FER: variants seen among roughly 807,000 people sequenced by gnomAD.
FER encodes FER tyrosine kinase, also known as tyrosine-protein kinase Fer.
Under a neutral mutation model 111.0 loss-of-function variants are expected in FER, and 63 were observed. That is an observed-to-expected ratio of 0.57 (90% CI 0.46 to 0.70). The LOEUF is 0.70. FER is among the 30% of genes least tolerant of loss of function. FER has a pLI of 0.00. For missense variants in FER, 914 were observed against 954.0 expected, an observed-to-expected ratio of 0.96 and a Z score of 0.55; for synonymous variants, 327 against 313.9, an observed-to-expected ratio of 1.04 and a Z score of -0.44.
intron 10 of FER, among the ~76,000 whole-genome samples, chr5:108,927,252 C>CTTTTTTTGTTTTTTTTT: frequency 1.0e-5 from 1 of 95,254 alleles, no homozygotes; most frequent in Non-Finnish European, 1.9e-5. Flanking sequence ...AGAAGTGGCT[C>CTTTTTTTGTTTTTTTTT]TTTTTTTTTT....
At chr5:108,766,010 A>G (rs901324066) in intron 1 of FER, among the ~76,000 whole-genome samples, 13 of 151,926 alleles carry the variant, frequency 8.6e-5, no homozygotes, top group Non-Finnish European at 5.9e-5. Flanking sequence ...GTTCACTGCA[A>G]CCTCAAATTC....
intron 5 of FER, among the ~76,000 whole-genome samples, chr5:108,852,507 A>G (rs1762631955): frequency 6.6e-6 from 1 of 152,152 alleles, no homozygotes; most frequent in African/African-American, 2.4e-5. Flanking sequence ...CGATATTTAA[A>G]TATCAAATTT....
intron 16 of FER, among the ~76,000 whole-genome samples, chr5:109,051,098 T>C (rs1310106108): frequency 2.0e-4 from 31 of 152,158 alleles, no homozygotes; most frequent in Admixed American, 4.6e-4. Context: ...TAAATACCAA[T>C]ATGCACCTCT....
intron 17 of FER, among the ~76,000 whole-genome samples, chr5:109,109,873 C>A (rs1749390583): frequency 6.6e-6 from 1 of 152,124 alleles, no homozygotes; most frequent in South Asian, 2.1e-4. Flanking sequence ...TGCTCATTTT[C>A]TTGCTAATTA....
chr5:108,894,196 C>T (rs1478359542), intron 9 of FER, among the ~76,000 whole-genome samples: 1 of 152,004 alleles, frequency 6.6e-6, no homozygotes, highest in Non-Finnish European at 1.5e-5. Context: ...TCTATTATTC[C>T]TCTCATCCAC....
intron 5 of FER, among the ~76,000 whole-genome samples, chr5:108,855,594 G>GGAA (rs766557178): frequency 4.9e-5 from 5 of 102,994 alleles, no homozygotes; most frequent in African/African-American, 1.7e-4. Context: ...GCACTCCAGC[G>GGAA]AAAAAAAAAA....
At chr5:108,848,173 T>A (rs903616314) in intron 5 of FER, among the ~76,000 whole-genome samples, 10 of 152,308 alleles carry the variant, frequency 6.6e-5, no homozygotes, top group Non-Finnish European at 1.2e-4. Flanking sequence ...AGCCACCACA[T>A]CTGACCTATC....
At chr5:109,005,775 A>G (rs1222094416) in intron 13 of FER, among the ~76,000 whole-genome samples, 2 of 152,204 alleles carry the variant, frequency 1.3e-5, no homozygotes, top group Non-Finnish European at 2.9e-5. Context: ...AGCAAGGACC[A>G]TGTGTTCTGC....
At chr5:108,992,670 T>C (rs1426544380) in intron 13 of FER, among the ~76,000 whole-genome samples, 2 of 143,022 alleles carry the variant, frequency 1.4e-5, no homozygotes, top group African/African-American at 2.5e-5. Flanking sequence ...GCGGCTGGCC[T>C]GGCGGGGGCT....
chr5:109,136,615 T>A (rs1449211949), intron 17 of FER, among the ~76,000 whole-genome samples: 1 of 152,202 alleles, frequency 6.6e-6, no homozygotes, highest in Non-Finnish European at 1.5e-5. Context: ...TTTCATTTGA[T>A]CTTCACAGTA....
intron 6 of FER, among the ~76,000 whole-genome samples, chr5:108,871,105 T>C (rs539912878): frequency 8.5e-5 from 13 of 152,224 alleles, no homozygotes; most frequent in East Asian, 3.9e-4. Flanking sequence ...TTTGGACATA[T>C]CAAATACATT....
chr5:108,939,824 G>T (rs1008140824), intron 10 of FER, among the ~76,000 whole-genome samples: 1 of 151,904 alleles, frequency 6.6e-6, no homozygotes, highest in Non-Finnish European at 1.5e-5. Context: ...AACTCCAAAT[G>T]TTCCCAGTTA....
At chr5:108,992,724 C>T (rs1442903354) in intron 13 of FER, among the ~76,000 whole-genome samples, 4 of 150,222 alleles carry the variant, frequency 2.7e-5, no homozygotes, top group Admixed American at 1.3e-4. Context: ...TGGGCGGAGA[C>T]GCTCCTCACT....
intron 17 of FER, among the ~76,000 whole-genome samples, chr5:109,167,138 T>C (rs1756637888): frequency 6.6e-6 from 1 of 152,198 alleles, no homozygotes; most frequent in African/African-American, 2.4e-5. Flanking sequence ...TTTATCTATA[T>C]CTGCAGTATA....
Position 108,867,783 on chromosome 5 carries a change from G to A in FER, c.498G>A (p.Lys166=). 6.2e-7 allele frequency: 1 copy of A among 1,606,876 alleles called. No individual in the cohort carries two copies. The change falls in exon 6 of 20, where the codon AAG becomes AAA. Residue 166 remains lysine, a synonymous_variant. Transcript: ENST00000281092. ...TTTTTTCAGGGAAGGAAACTGAAAA[G>A]GCCAAGGAACGATACGACAAAGCCA... ...EALAKGKETE[K]AKERYDKATM...
At chr5:108,990,479 C>T (rs906633143) in intron 13 of FER, among the ~76,000 whole-genome samples, 1 of 151,494 alleles carries the variant, frequency 6.6e-6, no homozygotes, top group Non-Finnish European at 1.5e-5. Context: ...TACATTTCAT[C>T]CTAACTGCCC....
intron 1 of FER, among the ~76,000 whole-genome samples, chr5:108,750,816 A>G (rs920568656): frequency 8.5e-5 from 13 of 152,230 alleles, no homozygotes; most frequent in African/African-American, 2.9e-4. Flanking sequence ...CACCACCTAT[A>G]TATTTAGCAA....
rs192714585 is a variant in FER, at chr5:108,813,135, G to C, written c.207+14746G>C. On this transcript the variant is annotated intron_variant, in intron 3 of 19. Transcript: ENST00000281092. ...AAAATTTTTTTTTAGGTTTGAAAGC[G>C]TAAAAATATCTTTATGGTGTCCTTT... Among the ~76,000 whole-genome samples the C allele has an allele frequency of 3.9e-5, 6 of 152,078 alleles. No individual in the cohort carries two copies. The East Asian group carries it at 1.2e-3, about 29-fold the overall frequency.
intron 5 of FER, among the ~76,000 whole-genome samples, chr5:108,854,170 A>C (rs1428072279): frequency 6.6e-6 from 1 of 152,246 alleles, no homozygotes; most frequent in African/African-American, 2.4e-5. Context: ...GCAACTGATC[A>C]ATACATAACT....
Sources: allele counts gnomAD v4.1 joint callset (sites outside exome capture counted in the v4.1 genomes callset), GRCh38; gene constraint gnomAD v4.1.1; transcripts MANE v1.5; gene names NCBI Gene and HGNC (gene_info 2026-07-23, HGNC 2026-07-21).